Variants in RBM18 observed in about 807,000 individuals in gnomAD.
The protein encoded by RBM18 is RNA binding motif protein 18.
In RBM18, 18 loss-of-function variants were observed where a neutral mutation model predicts 26.4. That is an observed-to-expected ratio of 0.68 (90% CI 0.47 to 1.01). The LOEUF is 1.01. Among genes scored for constraint, RBM18 ranks in the 50% least tolerant of loss-of-function variants. The pLI is 0.00. For missense variants in RBM18, 180 were observed against 219.2 expected, an observed-to-expected ratio of 0.82 and a Z score of 1.13; for synonymous variants, 74 against 81.1, an observed-to-expected ratio of 0.91 and a Z score of 0.47.
chr9:122,263,043 G>T (rs1308322135), intron 1 of RBM18, among the ~76,000 whole-genome samples: 1 of 152,164 alleles, frequency 6.6e-6, no homozygotes, highest in Admixed American at 6.5e-5. Context: ...AGCAGGCTGT[G>T]TCAGAGTTCA....
chr9:122,254,846 G>C (rs1252399581), intron 2 of RBM18, among the ~76,000 whole-genome samples: 1 of 152,234 alleles, frequency 6.6e-6, no homozygotes, highest in Non-Finnish European at 1.5e-5. Context: ...TACACAGAGG[G>C]ATGAATACGA....
chr9:122,245,558 C>G (rs1831491350), intron 4 of RBM18, among the ~76,000 whole-genome samples: 1 of 152,166 alleles, frequency 6.6e-6, no homozygotes, highest in Non-Finnish European at 1.5e-5. Flanking sequence ...CCATCAGTTC[C>G]TCCTTATTTG....
At chr9:122,262,708 C>T (rs140924234) in intron 1 of RBM18, among the ~76,000 whole-genome samples, 4,949 of 152,154 alleles carry the variant, frequency 0.033, 249 homozygotes, top group African/African-American at 0.11. Flanking sequence ...CTCAGCCTCC[C>T]GAGTAGCTGG....
At chr9:122,253,902 C>A (rs570169994) in intron 2 of RBM18, among the ~76,000 whole-genome samples, 138 of 151,810 alleles carry the variant, frequency 9.1e-4, no homozygotes, top group Middle Eastern at 3.4e-3. Flanking sequence ...GTGGCGCATG[C>A]CCGTAGTCCC....
chr9:122,250,485 C>G (rs1831582720), intron 3 of RBM18, among the ~76,000 whole-genome samples: 1 of 152,152 alleles, frequency 6.6e-6, no homozygotes, highest in South Asian at 2.1e-4. Flanking sequence ...ATTATGTAGT[C>G]ATCAAAAATG....
intron 3 of RBM18, among the ~76,000 whole-genome samples, chr9:122,248,333 T>G (rs1831539783): frequency 6.6e-6 from 1 of 152,212 alleles, no homozygotes; most frequent in Non-Finnish European, 1.5e-5. Context: ...CTGTTCCTAT[T>G]AGGTGATAGA....
intron 4 of RBM18, 87 bp from the exon 5 acceptor site, chr9:122,245,428 A>G: frequency 1.3e-6 from 1 of 770,152 alleles, no homozygotes; most frequent in East Asian, 2.5e-5. Context: ...TAATACCATC[A>G]GTATATCATC....
chr9:122,243,330 T>C (rs1266841892), intron 5 of RBM18, among the ~76,000 whole-genome samples: 1 of 152,234 alleles, frequency 6.6e-6, no homozygotes, highest in Admixed American at 6.5e-5. Context: ...GCATGTTTTA[T>C]AGATACAGAA....
Position 122,245,357 on chromosome 9 carries a change from A to G in RBM18, c.328-16T>C, listed in dbSNP as rs1199996721. The G allele has an allele frequency of 6.5e-7, 1 of 1,542,022 alleles. No individual in the cohort carries two copies. Among genetic ancestry groups the G allele is most frequent in the Non-Finnish European group, 9.0e-7 (1 of 1,115,364 alleles). On this transcript the variant is annotated splice_polypyrimidine_tract_variant and intron_variant, in intron 4 of 5. Transcript: ENST00000417201. ...GATCATATCTCTGAAAATGAGAAAT[A>G]GAGAAATTACTTCACATGGGCAGAA...
chr9:122,238,727 A>C lies in RBM18; in HGVS notation c.*3157T>G, dbSNP rs1237188112. 2 of 152,232 alleles carry C rather than the reference A, an allele frequency of 1.3e-5. No individual in the cohort carries two copies. The highest frequency in any genetic ancestry group is 4.8e-5 in the African/African-American group (2 of 41,452). The allele number at this position is 152,232 out of a possible 1,614,324, so 9.4% of individuals were successfully genotyped here. A position where few individuals can be genotyped will look rare whatever the true frequency, so the allele number is the denominator to read the frequency against. On this transcript the variant is annotated 3_prime_UTR_variant, in exon 6 of 6. Transcript: ENST00000417201. ...GTGATGGAAAGCCACAAAGAAGAGA[A>C]TCACATTTTAAAATAATTTTTTTAA...
rs1831396838 is a variant in RBM18 at position 122,240,353 on chromosome 9, G to C, written c.*1531C>G. 6.6e-6 allele frequency: 1 copy of C among 152,338 alleles called. No homozygotes were observed. Among genetic ancestry groups the C allele is most frequent in the East Asian group, 1.9e-4 (1 of 5,190 alleles). The allele number at this position is 152,338 out of a possible 1,614,324, so 9.4% of individuals were successfully genotyped here. ...CAGCTAATACATACAGAAAGTATTT[G>C]ATGTCTAGAGATATTTAAAAAGATT... On this transcript the variant is annotated 3_prime_UTR_variant, in exon 6 of 6. Transcript: ENST00000417201.
At chr9:122,260,720 T>C (rs941265202) in intron 2 of RBM18, among the ~76,000 whole-genome samples, 4 of 152,212 alleles carry the variant, frequency 2.6e-5, no homozygotes, top group African/African-American at 4.8e-5. Context: ...GAAAGGGTAG[T>C]AGTTGACAAA....
chr9:122,261,348 G>T, intron 2 of RBM18, 32 bp downstream of exon 2: 5 of 1,437,554 alleles, frequency 3.5e-6, no homozygotes, highest in Non-Finnish European at 4.9e-6. Flanking sequence ...TCCCAATATT[G>T]TAGGTAAAAA....
Position 122,240,397 on chromosome 9 carries a change from A to T in RBM18, c.*1487T>A, listed in dbSNP as rs1406882179. The T allele has an allele frequency of 6.6e-6, 1 of 152,224 alleles. No individual in the cohort carries two copies. 9.4% of individuals were successfully genotyped at this position (152,224 alleles called of 1,614,324 possible). On this transcript the variant is annotated 3_prime_UTR_variant, in exon 6 of 6. Transcript: ENST00000417201. Reference sequence around the variant, plus strand: ...AAAGATTAACCTTGGGAAAAGTAAAAAGAATTTCCTTAAACCAGTTTTATG... The same window carrying T: ...AAAGATTAACCTTGGGAAAAGTAAATAGAATTTCCTTAAACCAGTTTTATG...
At chr9:122,261,747 C>A (rs570784716) in intron 1 of RBM18, among the ~76,000 whole-genome samples, 7 of 152,336 alleles carry the variant, frequency 4.6e-5, no homozygotes, top group Admixed American at 1.3e-4. Context: ...TGTGGAGAAA[C>A]TAAAGTTTTC....
chr9:122,247,645 G>A, intron 3 of RBM18, 41 bp from the exon 4 acceptor site: 1 of 1,442,010 alleles, frequency 6.9e-7, no homozygotes, highest in South Asian at 1.1e-5. Flanking sequence ...AAACTGAAAT[G>A]CTTAACTAGC....
rs148751390 is a variant in RBM18, at chr9:122,259,209, C to T, written c.113+2171G>A. On this transcript the variant is annotated intron_variant, in intron 2 of 5. Transcript: ENST00000417201. ...TGGCAAATGCCCATTTGAACCTTCC[C>T]GTCAAGCAGCAGGACACAATTAGAA... Among the ~76,000 whole-genome samples the T allele has an allele frequency of 4.6e-5, 7 of 152,232 alleles. No individual in the cohort carries two copies. The East Asian group carries it at 1.3e-3, about 29-fold the overall frequency.
At position 122,264,813 on chromosome 9, in the gene RBM18, A is replaced by C. The variant is rs1831943614; in HGVS notation, c.-115T>G. The C allele has an allele frequency of 6.6e-6, 1 of 152,532 alleles. No homozygotes were observed. Among genetic ancestry groups the C allele is most frequent in the East Asian group, 1.9e-4 (1 of 5,186 alleles). The allele number at this position is 152,532 out of a possible 1,614,324, so 9.4% of individuals were successfully genotyped here. A position where few individuals can be genotyped will look rare whatever the true frequency, so the allele number is the denominator to read the frequency against. ...TAGACGCGTCCGCCTCAATGCCGCC[A>C]GCTGCCAGGCCGCCCGTGACGCGTT... On this transcript the variant is annotated 5_prime_UTR_variant, in exon 1 of 6. Transcript: ENST00000417201.
At chr9:122,245,138 T>C (rs1474327556) in intron 5 of RBM18, 118 bp downstream of exon 5, 4 of 680,176 alleles carry the variant, frequency 5.9e-6, no homozygotes, top group East Asian at 5.1e-5. Context: ...ACATCTCTCT[T>C]GTCAAGTTAA....
Sources: gnomAD v4.1 joint callset for allele counts (sites outside exome capture counted in the v4.1 genomes callset) on GRCh38, gnomAD v4.1.1 for gene constraint, MANE v1.5 for transcripts, NCBI Gene and HGNC (gene_info 2026-07-23, HGNC 2026-07-21) for gene names.